Variants in GABRG3 observed in about 807,000 individuals in gnomAD.
GABRG3 encodes gamma-aminobutyric acid receptor subunit gamma-3.
A neutral mutation model predicts 48.8 loss-of-function variants in GABRG3; 25 were observed. That is an observed-to-expected ratio of 0.51 (90% CI 0.37 to 0.72). GABRG3 has a LOEUF of 0.72. Ranked by LOEUF, GABRG3 falls within the 30% of genes least tolerant of loss-of-function variation. GABRG3 has a pLI of 0.00. For missense variants in GABRG3, 394 were observed against 577.9 expected, an observed-to-expected ratio of 0.68 and a Z score of 3.26; for synonymous variants, 227 against 217.6, an observed-to-expected ratio of 1.04 and a Z score of -0.38.
chr15:27,045,049 T>C (rs576518995), intron 3 of GABRG3, among the ~76,000 whole-genome samples: 2 of 152,334 alleles, frequency 1.3e-5, no homozygotes, highest in Admixed American at 6.5e-5. Flanking sequence ...ACCCATAAAA[T>C]AAAGCCTAGA....
intron 4 of GABRG3, among the ~76,000 whole-genome samples, chr15:27,328,169 G>GAA (rs1222891821): frequency 6.6e-6 from 1 of 151,206 alleles, no homozygotes; most frequent in East Asian, 2.0e-4. Context: ...CCATGCTGAT[G>GAA]AAAAACATTG....
At chr15:27,426,533 G>A (rs188870898) in intron 5 of GABRG3, among the ~76,000 whole-genome samples, 1 of 152,236 alleles carries the variant, frequency 6.6e-6, no homozygotes, top group Admixed American at 6.5e-5. Flanking sequence ...AGCCTTTCTT[G>A]GCCAGGCGTG....
At chr15:27,033,319 T>C (rs1896119450) in intron 3 of GABRG3, among the ~76,000 whole-genome samples, 1 of 152,332 alleles carries the variant, frequency 6.6e-6, no homozygotes, top group South Asian at 2.1e-4. Flanking sequence ...GGATTTTTGC[T>C]TAGCTTTCTC....
chr15:26,973,827 G>A lies in GABRG3; in HGVS notation c.53+2239G>A, dbSNP rs140449561. On this transcript the variant is annotated intron_variant, in intron 1 of 9. Transcript: ENST00000615808. ...AATAACATCTGAAGGTTGAGTTGTT[G>A]TTTGACTATGACAATACATCACTGA... 5.0e-3 allele frequency among the ~76,000 whole-genome samples: 768 copies of A among 152,302 alleles called. 4 individuals are homozygous for A. Among genetic ancestry groups the A allele is most frequent in the African/African-American group, 0.016 (675 of 41,574 alleles).
chr15:27,145,977 A>G (rs1671852101), intron 3 of GABRG3, among the ~76,000 whole-genome samples: 1 of 152,138 alleles, frequency 6.6e-6, no homozygotes, highest in Non-Finnish European at 1.5e-5. Flanking sequence ...GTTAGAAAAA[A>G]AAGACTGTCA....
Position 27,540,263 on chromosome 15 carries a change from TTCTC to T in GABRG3, c.*7386_*7389del, listed in dbSNP as rs1194683315. On this transcript the variant is annotated 3_prime_UTR_variant, in exon 10 of 10. Transcript: ENST00000615808. ...ATTCAATTGTTGTTTGTTGATTGCT[TTCTC>T]TCTTTTTTTTTCCGTTTTTACCTTA... 3 of 152,212 alleles carry T rather than the reference TTCTC, an allele frequency of 2.0e-5. No individual in the cohort carries two copies. Among genetic ancestry groups the T allele is most frequent in the African/African-American group, 7.2e-5 (3 of 41,452 alleles). The allele number at this position is 152,212 out of a possible 1,614,324, so 9.4% of individuals were successfully genotyped here.
intron 4 of GABRG3, among the ~76,000 whole-genome samples, chr15:27,327,594 C>T (rs1200998898): frequency 6.6e-6 from 1 of 152,224 alleles, no homozygotes; most frequent in Non-Finnish European, 1.5e-5. Flanking sequence ...TCTAACTGAA[C>T]ACACAGCAAC....
At chr15:27,357,382 A>G (rs1894876301) in intron 5 of GABRG3, among the ~76,000 whole-genome samples, 1 of 152,258 alleles carries the variant, frequency 6.6e-6, no homozygotes, top group African/African-American at 2.4e-5. Context: ...TACTGCAGAA[A>G]TGCTCTCAGT....
At chr15:27,404,105 C>T (rs1887561727) in intron 5 of GABRG3, among the ~76,000 whole-genome samples, 1 of 151,976 alleles carries the variant, frequency 6.6e-6, no homozygotes, top group African/African-American at 2.4e-5. Flanking sequence ...CCTGTAGTCC[C>T]AGCTACTTGG....
chr15:27,414,027 T>C (rs1416381733), intron 5 of GABRG3, among the ~76,000 whole-genome samples: 1 of 152,174 alleles, frequency 6.6e-6, no homozygotes, highest in African/African-American at 2.4e-5. Flanking sequence ...CTCACAGCCT[T>C]TCTTTTTTAA....
intron 3 of GABRG3, among the ~76,000 whole-genome samples, chr15:27,231,009 A>ATATGTG (rs1491261079): frequency 1.4e-5 from 2 of 143,406 alleles, no homozygotes; most frequent in Admixed American, 7.1e-5. Flanking sequence ...AAACAGTAAA[A>ATATGTG]TGTGTGTGTG....
chr15:27,308,397 AAT>A (rs1041321307), intron 3 of GABRG3, among the ~76,000 whole-genome samples: 15 of 145,322 alleles, frequency 1.0e-4, no homozygotes, highest in Non-Finnish European at 1.8e-4. Context: ...ATAAACATAT[AAT>A]ATAAACATAT....
chr15:27,382,211 T>A (rs1895796501), intron 5 of GABRG3, among the ~76,000 whole-genome samples: 1 of 152,176 alleles, frequency 6.6e-6, no homozygotes, highest in Non-Finnish European at 1.5e-5. Context: ...ATAAATCAAA[T>A]GGCCAAAAAC....
intron 3 of GABRG3, among the ~76,000 whole-genome samples, chr15:27,146,616 T>C (rs1251448754): frequency 6.6e-6 from 1 of 152,150 alleles, no homozygotes; most frequent in Admixed American, 6.5e-5. Flanking sequence ...GACATCATAA[T>C]ATAAAATGGT....
intron 3 of GABRG3, among the ~76,000 whole-genome samples, chr15:27,268,265 T>G (rs11263713): frequency 0.59 from 89,778 of 151,664 alleles, 27,164 homozygotes; most frequent in Non-Finnish European, 0.65. Context: ...ATTTGGCCAT[T>G]TGTGTTTTAT....
At chr15:27,202,379 A>G (rs1269530567) in intron 3 of GABRG3, among the ~76,000 whole-genome samples, 4 of 152,202 alleles carry the variant, frequency 2.6e-5, no homozygotes, top group East Asian at 1.9e-4. Flanking sequence ...CCCCACTACA[A>G]GTAATGCTAC....
chr15:27,341,400 A>C (rs940234633), intron 5 of GABRG3, among the ~76,000 whole-genome samples: 3 of 152,166 alleles, frequency 2.0e-5, no homozygotes, highest in Non-Finnish European at 4.4e-5. Context: ...TATAAACTTT[A>C]AAAATCAAAC....
intron 3 of GABRG3, among the ~76,000 whole-genome samples, chr15:27,196,333 G>A (rs956800917): frequency 2.0e-5 from 3 of 152,040 alleles, no homozygotes; most frequent in Non-Finnish European, 4.4e-5. Context: ...GAGCCCTCCT[G>A]TTCCTGCTCT....
At chr15:27,049,332 C>T (rs1464358043) in intron 3 of GABRG3, among the ~76,000 whole-genome samples, 1 of 152,242 alleles carries the variant, frequency 6.6e-6, no homozygotes, top group Non-Finnish European at 1.5e-5. Flanking sequence ...ATCAGAGCTT[C>T]ATTTATTTAA....
Sources: gnomAD v4.1 joint callset for allele counts (sites outside exome capture counted in the v4.1 genomes callset) on GRCh38, gnomAD v4.1.1 for gene constraint, MANE v1.5 for transcripts, NCBI Gene and HGNC (gene_info 2026-07-23, HGNC 2026-07-21) for gene names.